Variants in CSGALNACT1 observed in about 807,000 individuals in gnomAD.
The protein encoded by CSGALNACT1 is chondroitin sulfate N-acetylgalactosaminyltransferase 1.
A neutral mutation model predicts 51.0 loss-of-function variants in CSGALNACT1; 52 were observed. The observed-to-expected ratio is 1.02, with a 90% CI of 0.82 to 1.29. The LOEUF is 1.29. Among genes scored for constraint, CSGALNACT1 ranks in the 50% most tolerant of loss-of-function variants. The probability of loss-of-function intolerance (pLI) is 0.00; values close to 1 mark genes in which losing one functional copy is unlikely to be tolerated. For synonymous variants in CSGALNACT1, 341 were observed against 254.4 expected, an observed-to-expected ratio of 1.34 and a Z score of -3.24; for missense variants, 935 against 679.2, an observed-to-expected ratio of 1.38 and a Z score of -4.19.
chr8:19,610,289 C>CAAA (rs58262538), intron 1 of CSGALNACT1, among the ~76,000 whole-genome samples: 27 of 47,612 alleles, frequency 5.7e-4, no homozygotes, highest in African/African-American at 1.2e-3. Context: ...GACTCCGTCT[C>CAAA]AAAAAAAAAA....
chr8:19,600,797 A>G (rs2050241554), intron 2 of CSGALNACT1, among the ~76,000 whole-genome samples: 1 of 151,166 alleles, frequency 6.6e-6, no homozygotes, highest in Non-Finnish European at 1.5e-5. Flanking sequence ...GGCTTCCATT[A>G]TTTTATCTTA....
intron 5 of CSGALNACT1, among the ~76,000 whole-genome samples, chr8:19,445,590 C>T (rs966360500): frequency 6.6e-6 from 1 of 152,214 alleles, no homozygotes; most frequent in Non-Finnish European, 1.5e-5. Context: ...TTGGTGACAA[C>T]ATATCATGGA....
At chr8:19,656,164 T>C (rs1478663061) in intron 1 of CSGALNACT1, among the ~76,000 whole-genome samples, 1 of 152,172 alleles carries the variant, frequency 6.6e-6, no homozygotes, top group Non-Finnish European at 1.5e-5. Flanking sequence ...CAACAAAGTG[T>C]CTGAAGATAG....
At chr8:19,604,646 G>A (rs1234665515), upstream of CSGALNACT1, among the ~76,000 whole-genome samples, 31 of 151,674 alleles carry the variant, frequency 2.0e-4, no homozygotes, top group Non-Finnish European at 2.6e-4. Context: ...GGTGGCTCAT[G>A]CGTGTAATCC....
chr8:19,617,849 A>C (rs1480208067), intron 1 of CSGALNACT1, among the ~76,000 whole-genome samples: 1 of 152,194 alleles, frequency 6.6e-6, no homozygotes, highest in Non-Finnish European at 1.5e-5. Context: ...CTTTTAAAAG[A>C]GGAACTTAAT....
At position 19,641,128 on chromosome 8, in the gene CSGALNACT1, C is replaced by CT. The variant is rs56681695; in HGVS notation, c.-543-39264dup. Among the ~76,000 whole-genome samples, 822 of 99,962 alleles carry CT rather than the reference C, an allele frequency of 8.2e-3. 10 individuals carry two copies. The highest frequency in any genetic ancestry group is 0.013 in the African/African-American group (356 of 26,950). The allele number at this position is 99,962 out of a possible 152,430, so 65.6% of individuals were successfully genotyped here. A position where few individuals can be genotyped will look rare whatever the true frequency, so the allele number is the denominator to read the frequency against. ...TGTATTACCAATAATGGTGACTGGT[C>CT]TTTTTTTTTTTTTTTTTTTTTTTTT... On this transcript the variant is annotated intron_variant, in intron 1 of 9. Coordinates refer to the CSGALNACT1 transcript ENST00000332246.
Position 19,740,571 on chromosome 8 carries a change from C to G in CSGALNACT1, c.-297+17279G>C, listed in dbSNP as rs537956499. ...GTTTGGATATTTCATTTGAAAAATT[C>G]CACTGGGGTCTTTCTTGCAACTTAT... is the stretch of plus-strand genomic sequence containing the variant. On this transcript the variant is annotated intron_variant, in intron 1 of 1. Coordinates refer to the CSGALNACT1 transcript ENST00000517494. Among the ~76,000 whole-genome samples the G allele has an allele frequency of 7.2e-5, 11 of 152,306 alleles. No individual in the cohort carries two copies. The East Asian group carries it at 2.1e-3, about 29-fold the overall frequency.
At chr8:19,599,798 T>G (rs367601471) in intron 2 of CSGALNACT1, among the ~76,000 whole-genome samples, 30 of 152,280 alleles carry the variant, frequency 2.0e-4, no homozygotes, top group African/African-American at 6.7e-4. Flanking sequence ...TGAACATCCT[T>G]CAGCAGCAGA....
intron 1 of CSGALNACT1, among the ~76,000 whole-genome samples, chr8:19,623,429 T>C (rs1478087391): frequency 6.6e-6 from 1 of 152,234 alleles, no homozygotes; most frequent in African/African-American, 2.4e-5. Context: ...TAACCTGAAT[T>C]TGAGAAGTCA....
At chr8:19,535,503 A>G (rs1302847361) in intron 3 of CSGALNACT1, among the ~76,000 whole-genome samples, 1 of 152,230 alleles carries the variant, frequency 6.6e-6, no homozygotes, top group Non-Finnish European at 1.5e-5. Context: ...ACACTTATAT[A>G]AACTAGTTCT....
chr8:19,523,382 G>A (rs144629135), intron 3 of CSGALNACT1, among the ~76,000 whole-genome samples: 63 of 152,144 alleles, frequency 4.1e-4, no homozygotes, highest in Middle Eastern at 3.4e-3. Context: ...CTCCCACCTC[G>A]GCCTCTGGAG....
chr8:19,649,842 A>G (rs928613266), intron 1 of CSGALNACT1, among the ~76,000 whole-genome samples: 4 of 149,050 alleles, frequency 2.7e-5, no homozygotes, highest in African/African-American at 9.9e-5. Context: ...AAAAAAAAAA[A>G]AAACCACGGG....
intron 3 of CSGALNACT1, among the ~76,000 whole-genome samples, chr8:19,551,012 G>A (rs2087910166): frequency 6.6e-6 from 1 of 152,170 alleles, no homozygotes; most frequent in African/African-American, 2.4e-5. Flanking sequence ...GCAATCACCA[G>A]TTTTGGCCTC....
chr8:19,750,422 C>T (rs76158732), intron 1 of CSGALNACT1, among the ~76,000 whole-genome samples: 74 of 152,102 alleles, frequency 4.9e-4, no homozygotes, highest in African/African-American at 1.6e-3. Context: ...TAGGGGGCAG[C>T]GGGGAAGAGG....
intron 1 of CSGALNACT1, among the ~76,000 whole-genome samples, chr8:19,659,459 G>A (rs2058578238): frequency 1.3e-5 from 2 of 152,142 alleles, no homozygotes; most frequent in Non-Finnish European, 2.9e-5. Context: ...AGGCTTTTGT[G>A]ACAAACTGTG....
intron 1 of CSGALNACT1, among the ~76,000 whole-genome samples, chr8:19,646,329 T>A (rs1264752809): frequency 6.6e-6 from 1 of 152,224 alleles, no homozygotes; most frequent in Non-Finnish European, 1.5e-5. Flanking sequence ...AGAAAGATCC[T>A]GTGTGATTTT....
At chr8:19,438,491 A>C (rs111736433) in intron 6 of CSGALNACT1, among the ~76,000 whole-genome samples, 1 of 152,156 alleles carries the variant, frequency 6.6e-6, no homozygotes, top group Non-Finnish European at 1.5e-5. Context: ...ATTTTATTCT[A>C]TTTGATCTTA....
Position 19,731,493 on chromosome 8 carries a change from G to A in CSGALNACT1, c.-297+26357C>T, listed in dbSNP as rs558315780. 3.9e-5 allele frequency among the ~76,000 whole-genome samples: 6 copies of A among 152,280 alleles called. No homozygotes were observed. In the South Asian group the frequency reaches 6.2e-4, roughly 16 times the overall value. ...ACTGCATTCTAGCCTGGACGAGAGC[G>A]AGACTCCATCTCAAATAAATAAATA... On this transcript the variant is annotated intron_variant, in intron 1 of 1. Coordinates refer to the CSGALNACT1 transcript ENST00000517494.
At chr8:19,516,499 G>C (rs1350557687) in intron 3 of CSGALNACT1, among the ~76,000 whole-genome samples, 2 of 152,132 alleles carry the variant, frequency 1.3e-5, no homozygotes, top group Non-Finnish European at 2.9e-5. Context: ...AACGTGGCAT[G>C]AATCACTGCT....
Sources: allele counts gnomAD v4.1 joint callset (sites outside exome capture counted in the v4.1 genomes callset), GRCh38; gene constraint gnomAD v4.1.1; transcripts MANE v1.5; gene names NCBI Gene and HGNC (gene_info 2026-07-23, HGNC 2026-07-21).